Variants in ASH1L observed in about 807,000 individuals in gnomAD.
ASH1L encodes the protein histone-lysine N-methyltransferase ASH1L.
ASH1L carries 23 observed loss-of-function variants against 269.0 expected under a neutral mutation model. That is an observed-to-expected ratio of 0.09 (90% CI 0.06 to 0.12). The LOEUF is 0.12. Ranked by LOEUF, ASH1L falls within the 10% of genes least tolerant of loss-of-function variation. ASH1L has a pLI of 1.00. For synonymous variants in ASH1L, 1,187 were observed against 1,253.5 expected (o/e 0.95, Z 1.12); for missense variants, 2,912 against 3,567.8 (o/e 0.82, Z 4.68).
At chr1:155,355,336 G>A (rs969776718) in intron 15 of ASH1L, among the ~76,000 whole-genome samples, 3 of 152,246 alleles carry the variant, frequency 2.0e-5, no homozygotes, top group African/African-American at 4.8e-5. Flanking sequence ...CAGTGGTGGC[G>A]TGAGCCACCG....
Position 155,345,174 on chromosome 1 carries a change from C to CTTTTTTTTTTT in ASH1L, c.7891-912_7891-902dup, listed in dbSNP as rs397981613. Among the ~76,000 whole-genome samples, 3 of 64,022 alleles carry CTTTTTTTTTTT rather than the reference C, an allele frequency of 4.7e-5. 1 individual carries two copies. Among genetic ancestry groups the CTTTTTTTTTTT allele is most frequent in the Non-Finnish European group, 8.0e-5 (3 of 37,318 alleles). The allele number at this position is 64,022 out of a possible 152,430, so 42.0% of individuals were successfully genotyped here. A position where few individuals can be genotyped will look rare whatever the true frequency, so the allele number is the denominator to read the frequency against. Reference sequence around the variant, plus strand: ...GTTTCACCATGTTAGCCAGGATGGTCTTTTTTTTTTTTTTTTTTTTTTTGG... The same window carrying CTTTTTTTTTTT: ...GTTTCACCATGTTAGCCAGGATGGTCTTTTTTTTTTTTTTTTTTTTTTTTTTTTTTTTTTGG... On this transcript the variant is annotated intron_variant, in intron 21 of 27. Transcript: ENST00000392403.
intron 21 of ASH1L, among the ~76,000 whole-genome samples, chr1:155,345,475 G>A (rs989420111): frequency 1.3e-5 from 2 of 150,828 alleles, no homozygotes; most frequent in South Asian, 2.1e-4. Flanking sequence ...GAGCCACTGC[G>A]CCCGGCCGAG....
At chr1:155,422,692 A>G (rs1371168180) in intron 5 of ASH1L, among the ~76,000 whole-genome samples, 2 of 148,542 alleles carry the variant, frequency 1.3e-5, no homozygotes, top group African/African-American at 5.0e-5. Flanking sequence ...TCTGCCGCTG[A>G]GGCTGGAGTG....
intron 21 of ASH1L, 138 bp downstream of exon 21, chr1:155,346,245 A>C: frequency 1.3e-6 from 2 of 1,559,032 alleles, no homozygotes; most frequent in Non-Finnish European, 1.7e-6. Flanking sequence ...CCCTTAATGT[A>C]AAGTTTAAGA....
intron 1 of ASH1L, among the ~76,000 whole-genome samples, chr1:155,549,624 C>CAA (rs1043659273): frequency 6.3e-4 from 38 of 60,390 alleles, no homozygotes; most frequent in African/African-American, 9.9e-4. Context: ...GACTCAGTCT[C>CAA]AAAAAAAAAA....
At chr1:155,506,814 C>A (rs974873951) in intron 2 of ASH1L, among the ~76,000 whole-genome samples, 1 of 152,050 alleles carries the variant, frequency 6.6e-6, no homozygotes, top group African/African-American at 2.4e-5. Context: ...TAATTCTCAG[C>A]CGGGTATGGT....
At chr1:155,504,450 T>C (rs1318301667) in intron 2 of ASH1L, among the ~76,000 whole-genome samples, 1 of 152,178 alleles carries the variant, frequency 6.6e-6, no homozygotes, top group South Asian at 2.1e-4. Context: ...TCTACGAATC[T>C]GCCCCAATAT....
chr1:155,498,917 T>TAAAAAAAAAAAA (rs56675557), intron 2 of ASH1L, among the ~76,000 whole-genome samples: 1 of 80,208 alleles, frequency 1.2e-5, no homozygotes, highest in African/African-American at 4.4e-5. Flanking sequence ...AGAACAGGAG[T>TAAAAAAAAAAAA]AAAAAAAAAA....
intron 6 of ASH1L, among the ~76,000 whole-genome samples, chr1:155,402,590 C>T (rs1332828421): frequency 6.6e-6 from 1 of 152,136 alleles, no homozygotes; most frequent in East Asian, 1.9e-4. Context: ...TGTTCTGCCA[C>T]CCAGGTTGTA....
At chr1:155,527,302 T>C (rs1283468704) in intron 1 of ASH1L, among the ~76,000 whole-genome samples, 2 of 152,198 alleles carry the variant, frequency 1.3e-5, no homozygotes, top group Non-Finnish European at 2.9e-5. Context: ...GTTAGAATTC[T>C]CTATATTGTC....
intron 1 of ASH1L, among the ~76,000 whole-genome samples, chr1:155,547,023 G>C (rs569193364): frequency 4.2e-4 from 58 of 136,814 alleles, no homozygotes; most frequent in Middle Eastern, 4.3e-3. Flanking sequence ...CGTGATCTTG[G>C]CTCACTGCAA....
chr1:155,467,388 G>A (rs1021609612), intron 3 of ASH1L, among the ~76,000 whole-genome samples: 7 of 152,118 alleles, frequency 4.6e-5, no homozygotes, highest in Non-Finnish European at 1.0e-4. Flanking sequence ...TAATTTTACT[G>A]TAATTTCACT....
At position 155,562,201 on chromosome 1, in the gene ASH1L, G is replaced by A. The variant is rs765958996; in HGVS notation, c.-148C>T. On this transcript the variant is annotated 5_prime_UTR_variant, in exon 1 of 28. Transcript: ENST00000392403. ...CCGAGAGCGATGAGAGTGCAGGGAA[G>A]TGGGGAAGAGGGGGTGGCCGCCAGG... 3.7e-6 allele frequency: 6 copies of A among 1,608,706 alleles called. No individual in the cohort carries two copies. The highest frequency in any genetic ancestry group is 5.1e-6 in the Non-Finnish European group (6 of 1,175,596).
At chr1:155,341,454 G>A (rs1652808245) in intron 25 of ASH1L, among the ~76,000 whole-genome samples, 1 of 152,156 alleles carries the variant, frequency 6.6e-6, no homozygotes, top group Admixed American at 6.5e-5. Flanking sequence ...GGGATTACAG[G>A]CGTGAGCCAC....
At chr1:155,534,439 T>C (rs893345433) in intron 1 of ASH1L, among the ~76,000 whole-genome samples, 6 of 150,594 alleles carry the variant, frequency 4.0e-5, no homozygotes, top group African/African-American at 1.5e-4. Context: ...AGGATGAGGG[T>C]GGAAAAAACT....
chr1:155,392,978 G>A (rs959274919), intron 7 of ASH1L, among the ~76,000 whole-genome samples: 1 of 151,870 alleles, frequency 6.6e-6, no homozygotes, highest in Non-Finnish European at 1.5e-5. Context: ...GTGAGCCACC[G>A]CGTCCAGCCT....
At chr1:155,403,523 C>A (rs1295412427) in intron 6 of ASH1L, among the ~76,000 whole-genome samples, 5 of 152,124 alleles carry the variant, frequency 3.3e-5, no homozygotes, top group Admixed American at 2.6e-4. Context: ...ATTAATAATA[C>A]CTGTTCTCTC....
Position 155,352,802 on chromosome 1 carries a change from G to A in ASH1L, c.7270C>T (p.Arg2424Trp), listed in dbSNP as rs756613295. The A allele has an allele frequency of 5.6e-6, 9 of 1,613,990 alleles. No homozygotes were observed. The highest frequency in any genetic ancestry group is 3.3e-5 in the Admixed American group (2 of 59,978). ...ATATTTTCCTCTGCAGCTGCCAACCGTCTTGTTCGAACAGATCGAGCTGTC... is the reference window on the plus strand; with the variant it reads ...ATATTTTCCTCTGCAGCTGCCAACCATCTTGTTCGAACAGATCGAGCTGTC... ...LQTARSVRTR[R>W]LAAAEENIEV... The change falls in exon 17 of 28, where the codon CGG becomes TGG. Residue 2424 changes from arginine to tryptophan, a missense_variant. Coordinates refer to ENST00000392403, the MANE Select transcript of ASH1L (RefSeq NM_018489.3).
At chr1:155,529,901 T>C (rs190579081) in intron 1 of ASH1L, among the ~76,000 whole-genome samples, 75 of 151,996 alleles carry the variant, frequency 4.9e-4, no homozygotes, top group Admixed American at 1.8e-3. Context: ...CTGGTGGAGA[T>C]TGCAGTGAGC....
Sources: allele counts gnomAD v4.1 joint callset (sites outside exome capture counted in the v4.1 genomes callset), GRCh38; gene constraint gnomAD v4.1.1; transcripts MANE v1.5; gene names NCBI Gene and HGNC (gene_info 2026-07-23, HGNC 2026-07-21).